The following FBXL7 variants were observed in gnomAD, a reference collection of about 807,000 sequenced individuals.
FBXL7 encodes the protein F-box and leucine rich repeat protein 7.
FBXL7 carries 12 observed loss-of-function variants against 38.3 expected under a neutral mutation model. That is an observed-to-expected ratio of 0.31 (90% CI 0.20 to 0.51). FBXL7 has a LOEUF of 0.51. Among genes scored for constraint, FBXL7 ranks in the 20% least tolerant of loss-of-function variants. The probability of loss-of-function intolerance (pLI) is 0.98; values close to 1 mark genes in which losing one functional copy is unlikely to be tolerated. For synonymous variants in FBXL7, 297 were observed against 300.9 expected (o/e 0.99, Z 0.13); for missense variants, 567 against 676.4 (o/e 0.84, Z 1.79).
At chr5:15,857,315 A>T (rs1302380805) in intron 2 of FBXL7, among the ~76,000 whole-genome samples, 1 of 152,162 alleles carries the variant, frequency 6.6e-6, no homozygotes, top group Non-Finnish European at 1.5e-5. Flanking sequence ...CACTGTTCTA[A>T]TTTTAAACTC....
At chr5:15,855,324 C>CTT (rs926971618) in intron 2 of FBXL7, among the ~76,000 whole-genome samples, 7 of 152,028 alleles carry the variant, frequency 4.6e-5, no homozygotes, top group African/African-American at 1.7e-4. Flanking sequence ...TGCTGAGGTG[C>CTT]TTTTACCCTT....
intron 1 of FBXL7, 138 bp from the exon 2 acceptor site, chr5:15,615,845 A>T: frequency 1.9e-6 from 1 of 528,066 alleles, no homozygotes; most frequent in Non-Finnish European, 3.4e-6. Flanking sequence ...GCAAAAAAAA[A>T]CTTAATAAAC....
In FBXL7 at chr5:15,861,683, T is replaced by TA. The variant is rs1354761585; in HGVS notation, c.128-66206dup. 6.6e-5 allele frequency among the ~76,000 whole-genome samples: 10 copies of TA among 152,322 alleles called. No individual in the cohort carries two copies. In the East Asian group the frequency reaches 1.9e-3, roughly 29 times the overall value. ...ATATGAACAGAAGAGAGAGAGCTGG[T>TA]AGCATAGTCCTATTAACATAACCAG... On this transcript the variant is annotated intron_variant, in intron 2 of 3. Coordinates refer to ENST00000504595, the MANE Select transcript of FBXL7 (RefSeq NM_012304.5).
intron 2 of FBXL7, among the ~76,000 whole-genome samples, chr5:15,654,706 G>A (rs1413574132): frequency 6.6e-6 from 1 of 152,092 alleles, no homozygotes; most frequent in Non-Finnish European, 1.5e-5. Context: ...GCCTCCTGTA[G>A]CACTGAACTA....
chr5:15,500,560 T>G lies in FBXL7; in HGVS notation c.-117T>G. ...CCAGGCCGGAGGTCGGCCCCGGAGC[T>G]TGGGGGGGATGTGCAGCTAACGGTC... On this transcript the variant is annotated 5_prime_UTR_variant, in exon 1 of 4. Transcript: ENST00000504595. 1.4e-6 allele frequency: 2 copies of G among 1,429,250 alleles called. No homozygotes were observed. Among genetic ancestry groups the G allele is most frequent in the Non-Finnish European group, 2.0e-6 (2 of 1,012,394 alleles). 88.5% of individuals were successfully genotyped at this position (1,429,250 alleles called of 1,614,324 possible). A position where few individuals can be genotyped will look rare whatever the true frequency, so the allele number is the denominator to read the frequency against.
intron 2 of FBXL7, among the ~76,000 whole-genome samples, chr5:15,820,856 A>C (rs970677128): frequency 6.6e-6 from 1 of 151,942 alleles, no homozygotes; most frequent in Non-Finnish European, 1.5e-5. Flanking sequence ...ACTTGGCTAC[A>C]CTCATCCCAC....
At chr5:15,672,659 A>G (rs545165310) in intron 2 of FBXL7, among the ~76,000 whole-genome samples, 2 of 151,600 alleles carry the variant, frequency 1.3e-5, no homozygotes, top group South Asian at 2.1e-4. Flanking sequence ...GGTTCAAGCA[A>G]TTCTCCTGCC....
intron 2 of FBXL7, among the ~76,000 whole-genome samples, chr5:15,707,324 C>T (rs1743720096): frequency 6.6e-6 from 1 of 151,910 alleles, no homozygotes; most frequent in South Asian, 2.1e-4. Context: ...CACATATATC[C>T]TATTCTTTCT....
chr5:15,850,531 A>G (rs1739063521), intron 2 of FBXL7, among the ~76,000 whole-genome samples: 1 of 152,192 alleles, frequency 6.6e-6, no homozygotes, highest in South Asian at 2.1e-4. Context: ...ACAAAGGTAG[A>G]AGGGCCTTTT....
intron 1 of FBXL7, among the ~76,000 whole-genome samples, chr5:15,533,751 A>T (rs887156255): frequency 1.3e-5 from 2 of 152,154 alleles, no homozygotes; most frequent in African/African-American, 2.4e-5. Context: ...AAAGGCCAAA[A>T]TATGATTAAT....
chr5:15,816,280 T>C (rs1414487466), intron 2 of FBXL7, among the ~76,000 whole-genome samples: 1 of 151,996 alleles, frequency 6.6e-6, no homozygotes, highest in Non-Finnish European at 1.5e-5. Context: ...TATATATATA[T>C]ATATATGTGC....
At chr5:15,541,463 A>ATATATATG (rs1737750028) in intron 1 of FBXL7, among the ~76,000 whole-genome samples, 1 of 123,754 alleles carries the variant, frequency 8.1e-6, no homozygotes, top group Non-Finnish European at 1.7e-5. Context: ...ATATATATAT[A>ATATATATG]TATATATATA....
At chr5:15,528,821 C>A (rs950398050) in intron 1 of FBXL7, among the ~76,000 whole-genome samples, 12 of 152,074 alleles carry the variant, frequency 7.9e-5, no homozygotes, top group African/African-American at 2.9e-4. Flanking sequence ...CTTTAATTGA[C>A]AAAATTGTAT....
chr5:15,928,042 A>ACCCCCCCCCCCCCCCCCCCCCCCCC lies in FBXL7; in HGVS notation c.283_284insCCCCCCCCCCCCCCCCCCCCCCCCC (p.Arg95ProfsTer146). 1 of 386,350 alleles carries ACCCCCCCCCCCCCCCCCCCCCCCCC rather than the reference A, an allele frequency of 2.6e-6. No individual in the cohort carries two copies. Among genetic ancestry groups the ACCCCCCCCCCCCCCCCCCCCCCCCC allele is most frequent in the Non-Finnish European group, 5.2e-6 (1 of 194,148 alleles). The allele number at this position is 386,350 out of a possible 1,614,324, so 23.9% of individuals were successfully genotyped here. A position where few individuals can be genotyped will look rare whatever the true frequency, so the allele number is the denominator to read the frequency against. ...GGCCATGGTGCACTCCCCGCCCCCG[A>ACCCCCCCCCCCCCCCCCCCCCCCCC]CCCGCCTCACACACCCGCTCATCCG... On this transcript the variant is annotated frameshift_variant, in exon 3 of 4. Transcript: ENST00000504595. LOFTEE classifies it high-confidence loss of function. The surrounding 1 kb of genome is among the most constrained non-coding windows in gnomAD (Gnocchi z 4.0).
chr5:15,592,654 C>T (rs767570101), intron 1 of FBXL7, among the ~76,000 whole-genome samples: 1 of 152,066 alleles, frequency 6.6e-6, no homozygotes, highest in Non-Finnish European at 1.5e-5. Context: ...GATTTGAAGA[C>T]CGGGCTTATC....
chr5:15,859,410 T>C (rs1418501078), intron 2 of FBXL7, among the ~76,000 whole-genome samples: 6 of 152,168 alleles, frequency 3.9e-5, no homozygotes, highest in Non-Finnish European at 7.3e-5. Flanking sequence ...TGGCATCTAC[T>C]GAGTAAAGGA....
At position 15,917,698 on chromosome 5, in the gene FBXL7, AAAGAAAGG is replaced by A. The variant is rs1404440337; in HGVS notation, c.128-10188_128-10181del. Among the ~76,000 whole-genome samples, 244 of 112,848 alleles carry A rather than the reference AAAGAAAGG, an allele frequency of 2.2e-3. 4 individuals are homozygous for A. Among genetic ancestry groups the A allele is most frequent in the African/African-American group, 6.6e-3 (232 of 35,068 alleles). The allele number at this position is 112,848 out of a possible 152,430, so 74.0% of individuals were successfully genotyped here. A position where few individuals can be genotyped will look rare whatever the true frequency, so the allele number is the denominator to read the frequency against. ...GGAAGGAAGGAAGGAAGGAAGGAAG[AAAGAAAGG>A]AAGGAAGGAAGGACGATGCTAGCGA... On this transcript the variant is annotated intron_variant, in intron 2 of 3. Coordinates refer to ENST00000504595, the MANE Select transcript of FBXL7 (RefSeq NM_012304.5).
chr5:15,747,064 G>A (rs1156797662), intron 2 of FBXL7, among the ~76,000 whole-genome samples: 1 of 152,180 alleles, frequency 6.6e-6, no homozygotes, highest in Non-Finnish European at 1.5e-5. Context: ...GGGAATGAGT[G>A]TGGAGGGAAA....
At chr5:15,784,517 C>T (rs1460570838) in intron 2 of FBXL7, among the ~76,000 whole-genome samples, 2 of 151,826 alleles carry the variant, frequency 1.3e-5, no homozygotes, top group Admixed American at 6.6e-5. Flanking sequence ...CCAAATCTCA[C>T]GTTGAAATGT....
Sources: gnomAD v4.1 joint callset for allele counts (sites outside exome capture counted in the v4.1 genomes callset) on GRCh38, gnomAD v4.1.1 for gene constraint, Gnocchi (gnomAD v3.1) non-coding constraint, MANE v1.5 for transcripts, NCBI Gene and HGNC (gene_info 2026-07-23, HGNC 2026-07-21) for gene names.